TBCE: variants seen among roughly 807,000 people sequenced by gnomAD.
TBCE encodes the protein tubulin folding cofactor E.
TBCE carries 53 observed loss-of-function variants against 77.0 expected under a neutral mutation model. The observed-to-expected ratio is 0.69, with a 90% CI of 0.55 to 0.87. The LOEUF (loss-of-function observed/expected upper bound fraction) is 0.87, where lower values mean the gene tolerates loss of function less well. Among genes scored for constraint, TBCE ranks in the 40% least tolerant of loss-of-function variants. TBCE has a pLI of 0.00. For missense variants in TBCE, 624 were observed against 622.4 expected, an observed-to-expected ratio of 1.00 and a Z score of -0.03; for synonymous variants, 235 against 241.3, an observed-to-expected ratio of 0.97 and a Z score of 0.24.
rs1408980715 is a variant in TBCE, at chr1:235,449,002, C to T, written c.*240C>T. ...TGATCTTATTTCATATTTATTTTTA[C>T]AGCTCATCACTGCATTTCATGATAA... On this transcript the variant is annotated 3_prime_UTR_variant, in exon 17 of 17. Transcript: ENST00000642610. 4 of 441,448 alleles carry T rather than the reference C, an allele frequency of 9.1e-6. No homozygotes were observed. The highest frequency in any genetic ancestry group is 6.5e-5 in the South Asian group (3 of 46,074). 27.3% of individuals were successfully genotyped at this position (441,448 alleles called of 1,614,324 possible).
At chr1:235,428,407 G>A (rs1221210140) in intron 6 of TBCE, among the ~76,000 whole-genome samples, 1 of 152,012 alleles carries the variant, frequency 6.6e-6, no homozygotes, top group African/African-American at 2.4e-5. Flanking sequence ...TCTTACTAGA[G>A]AGAGAGCTGT....
chr1:235,368,693 G>A (rs2102787084), intron 1 of TBCE, among the ~76,000 whole-genome samples: 1 of 151,328 alleles, frequency 6.6e-6, no homozygotes, highest in South Asian at 2.1e-4. Context: ...GAGTAGTTGG[G>A]ATGACAGGTG....
At chr1:235,427,280 C>T (rs747367347) in intron 6 of TBCE, 41 bp downstream of exon 6, 3 of 1,401,782 alleles carry the variant, frequency 2.1e-6, no homozygotes, top group Non-Finnish European at 3.0e-6. Flanking sequence ...AACAATAAAG[C>T]TCATCTCTCC....
intron 2 of TBCE, among the ~76,000 whole-genome samples, chr1:235,382,532 T>C (rs1270376730): frequency 6.6e-6 from 1 of 152,192 alleles, no homozygotes; most frequent in Admixed American, 6.5e-5. Context: ...TGGTATCTCA[T>C]TGAGGTTTTG....
At chr1:235,396,340 G>A (rs1403514463) in intron 2 of TBCE, among the ~76,000 whole-genome samples, 1 of 152,146 alleles carries the variant, frequency 6.6e-6, no homozygotes, top group Non-Finnish European at 1.5e-5. Context: ...TTACAGGCGT[G>A]AGCCACCGTG....
chr1:235,442,008 A>T lies in TBCE; in HGVS notation c.1339+126A>T, dbSNP rs866895927. 21,207 of 596,046 alleles carry T rather than the reference A, an allele frequency of 0.036. 553 individuals carry two copies. Among genetic ancestry groups the T allele is most frequent in the African/African-American group, 0.14 (7,028 of 50,202 alleles). The allele number at this position is 596,046 out of a possible 1,614,324, so 36.9% of individuals were successfully genotyped here. A position where few individuals can be genotyped will look rare whatever the true frequency, so the allele number is the denominator to read the frequency against. ...TAAATGCCTTGAGTTTTAAATGAAA[A>T]TTTTTTTTTTTTTTTTTGAGACAGA... On this transcript the variant is annotated intron_variant, in intron 14 of 16. Transcript: ENST00000642610.
chr1:235,436,317 G>C, intron 9 of TBCE, 69 bp from the exon 10 acceptor site: 2 of 1,479,428 alleles, frequency 1.4e-6, no homozygotes, highest in East Asian at 2.3e-5. Flanking sequence ...TTTACAAACC[G>C]AGTCTGGTTG....
chr1:235,413,849 T>G, intron 3 of TBCE: 1 of 24,388 alleles, frequency 4.1e-5, no homozygotes, highest in Non-Finnish European at 7.2e-5. Context: ...CCACCTACGA[T>G]TTTTTTTTTT....
In TBCE at chr1:235,438,779, A is replaced by G; in HGVS notation, c.1127A>G (p.Glu376Gly). The G allele has an allele frequency of 5.0e-6, 8 of 1,614,150 alleles. No homozygotes were observed. The highest frequency in any genetic ancestry group is 5.9e-6 in the Non-Finnish European group (7 of 1,180,036). Reference protein sequence around the residue: ...KTLNKCEILPEERRRAELDYR... With the variant: ...KTLNKCEILPGERRRAELDYR... ...GTCACATGAACATAGATTCTCCCCGAGGAGAGGCGGAGAGCTGAGCTTGAC... is the reference window on the plus strand; with the variant it reads ...GTCACATGAACATAGATTCTCCCCGGGGAGAGGCGGAGAGCTGAGCTTGAC... Residue 376 changes from glutamate to glycine, a missense_variant, in exon 13 of 17, where the codon GAG becomes GGG. By Grantham distance (98) the Glu-to-Gly change is moderately conservative. Coordinates refer to ENST00000642610, the MANE Select transcript of TBCE (RefSeq NM_003193.5).
At chr1:235,370,469 T>C (rs1676847487) in intron 1 of TBCE, among the ~76,000 whole-genome samples, 2 of 151,752 alleles carry the variant, frequency 1.3e-5, no homozygotes, top group South Asian at 2.1e-4. Flanking sequence ...GCCAGGTTGG[T>C]CTTGAACTGC....
intron 1 of TBCE, among the ~76,000 whole-genome samples, chr1:235,370,395 GGC>G (rs1676837440): frequency 6.6e-6 from 1 of 151,664 alleles, no homozygotes. Flanking sequence ...TGTGATTACA[GGC>G]GCATGCCACC....
intron 2 of TBCE, among the ~76,000 whole-genome samples, chr1:235,390,415 C>T (rs985950002): frequency 3.3e-5 from 5 of 151,842 alleles, no homozygotes; most frequent in African/African-American, 9.7e-5. Context: ...GGAGAGTATC[C>T]GGTTTATCCA....
intron 13 of TBCE, among the ~76,000 whole-genome samples, chr1:235,440,400 A>AT (rs1466484804): frequency 1.3e-5 from 2 of 151,420 alleles, no homozygotes; most frequent in Admixed American, 1.3e-4. Flanking sequence ...GTATATATAT[A>AT]TATTTTTTTG....
chr1:235,393,802 A>G (rs1282187066), intron 2 of TBCE, among the ~76,000 whole-genome samples: 2 of 152,114 alleles, frequency 1.3e-5, no homozygotes, highest in Non-Finnish European at 2.9e-5. Flanking sequence ...TATGTATTTT[A>G]ATATGGTAAT....
rs767929260 is a variant in TBCE, at chr1:235,448,804, T to G, written c.*42T>G. The G allele has an allele frequency of 3.0e-5, 42 of 1,377,414 alleles. No individual in the cohort carries two copies. In the South Asian group the frequency reaches 4.9e-4, roughly 16 times the overall value. The allele number at this position is 1,377,414 out of a possible 1,614,324, so 85.3% of individuals were successfully genotyped here. ...TTTAAAGACCACACTGCTTATCGTG[T>G]CTGGGGTTCACCGGAAATAAATGAT... On this transcript the variant is annotated 3_prime_UTR_variant, in exon 17 of 17. Transcript: ENST00000642610.
chr1:235,368,669 C>T (rs1452903363), intron 1 of TBCE, among the ~76,000 whole-genome samples: 1 of 149,168 alleles, frequency 6.7e-6, no homozygotes, highest in East Asian at 2.0e-4. Context: ...GCATATCTCC[C>T]ACCTCAGCCT....
intron 14 of TBCE, 112 bp downstream of exon 14, chr1:235,441,994 A>T: frequency 4.5e-6 from 4 of 892,214 alleles, no homozygotes; most frequent in Non-Finnish European, 6.9e-6. Flanking sequence ...AAATGCCTTG[A>T]GTTTTAAATG....
chr1:235,373,497 G>A (rs1474027244), intron 1 of TBCE, among the ~76,000 whole-genome samples: 2 of 151,882 alleles, frequency 1.3e-5, no homozygotes, highest in African/African-American at 2.4e-5. Context: ...AGTCTGGAGT[G>A]CAATGGCACG....
chr1:235,393,479 G>T (rs149237640), intron 2 of TBCE, among the ~76,000 whole-genome samples: 1 of 152,062 alleles, frequency 6.6e-6, no homozygotes, highest in East Asian at 1.9e-4. Context: ...TGGAGGTTGC[G>T]GTGAGCCGAG....
Sources: allele counts gnomAD v4.1 joint callset (sites outside exome capture counted in the v4.1 genomes callset), GRCh38; gene constraint gnomAD v4.1.1; transcripts MANE v1.5; gene names NCBI Gene and HGNC (gene_info 2026-07-23, HGNC 2026-07-21).